The following SDK1 variants were observed in gnomAD, a reference collection of about 807,000 sequenced individuals.
SDK1 encodes protein sidekick-1.
A neutral mutation model predicts 245.5 loss-of-function variants in SDK1; 157 were observed. The observed-to-expected ratio is 0.64, with a 90% CI of 0.56 to 0.73. The LOEUF is 0.73. SDK1 is among the 30% of genes least tolerant of loss of function. SDK1 has a pLI of 0.00. For synonymous variants in SDK1, 1,647 were observed against 1,278.5 expected (o/e 1.29, Z -6.15); for missense variants, 3,583 against 3,002.3 (o/e 1.19, Z -4.52).
chr7:4,034,622 G>T (rs1268432943), intron 17 of SDK1, among the ~76,000 whole-genome samples: 1 of 152,204 alleles, frequency 6.6e-6, no homozygotes, highest in African/African-American at 2.4e-5. Flanking sequence ...CAAGTTAGCA[G>T]TAACTAATTA....
Position 3,639,035 on chromosome 7 carries a change from G to T in SDK1, c.490G>T (p.Ala164Ser). 2 of 1,605,590 alleles carry T rather than the reference G, an allele frequency of 1.2e-6. No homozygotes were observed. Among genetic ancestry groups the T allele is most frequent in the South Asian group, 1.1e-5 (1 of 90,046 alleles). ...YIIPSLQKLD[A>S]GFYRCVVRNR... Reference sequence around the variant, plus strand: ...TATTCCATCTTTGCAGAAGCTCGATGCTGGGTTTTACCGCTGCGTGGTGCG... The same window carrying T: ...TATTCCATCTTTGCAGAAGCTCGATTCTGGGTTTTACCGCTGCGTGGTGCG... The change falls in exon 3 of 45, where the codon GCT becomes TCT. Residue 164 changes from alanine to serine, a missense_variant. Ala to Ser is a moderately conservative substitution (Grantham distance 99, BLOSUM62 1). Coordinates refer to ENST00000404826, the MANE Select transcript of SDK1 (RefSeq NM_152744.4).
In SDK1 at chr7:3,556,859, G is replaced by A. The variant is rs138324794; in HGVS notation, c.299-62221G>A. Among the ~76,000 whole-genome samples the A allele has an allele frequency of 1.8e-4, 27 of 152,102 alleles. No individual in the cohort carries two copies. In the East Asian group the frequency reaches 3.7e-3, roughly 21 times the overall value. ...TGGATTGTTTGTAACACAAAGAAGG[G>A]ATTAGTACTTACGTGATGGATACCC... On this transcript the variant is annotated intron_variant, in intron 1 of 44. Transcript: ENST00000404826.
chr7:4,043,990 GTTTTC>G (rs1252919516), intron 17 of SDK1, among the ~76,000 whole-genome samples: 1 of 152,012 alleles, frequency 6.6e-6, no homozygotes, highest in East Asian at 1.9e-4. Flanking sequence ...CTCCTCTTGT[GTTTTC>G]TTTTCTTTCT....
chr7:4,066,143 C>G (rs1323999174), intron 19 of SDK1, among the ~76,000 whole-genome samples: 1 of 152,124 alleles, frequency 6.6e-6, no homozygotes, highest in Non-Finnish European at 1.5e-5. Flanking sequence ...CATTCTTTTC[C>G]TCCCTTTTCC....
At chr7:4,085,802 G>C (rs756235618) in intron 22 of SDK1, among the ~76,000 whole-genome samples, 1 of 152,124 alleles carries the variant, frequency 6.6e-6, no homozygotes, top group Admixed American at 6.5e-5. Context: ...TGATCCGCCC[G>C]CCTCAGCCTC....
intron 41 of SDK1, among the ~76,000 whole-genome samples, chr7:4,235,929 G>A (rs1786136556): frequency 6.6e-6 from 1 of 152,254 alleles, no homozygotes; most frequent in Non-Finnish European, 1.5e-5. Context: ...GCTGGGGTCA[G>A]GCCCACTCCG....
intron 44 of SDK1, among the ~76,000 whole-genome samples, chr7:4,249,902 A>C (rs893150284): frequency 2.0e-5 from 3 of 152,182 alleles, no homozygotes; most frequent in African/African-American, 4.8e-5. Context: ...CAATTCACTC[A>C]TTTGAAGTAC....
intron 4 of SDK1, among the ~76,000 whole-genome samples, chr7:3,764,386 A>G (rs1422551109): frequency 6.6e-6 from 1 of 152,164 alleles, no homozygotes; most frequent in East Asian, 1.9e-4. Flanking sequence ...CAATTCATAG[A>G]TTAAAATAAC....
chr7:4,010,744 A>G (rs1299302160), intron 14 of SDK1, among the ~76,000 whole-genome samples: 2 of 152,124 alleles, frequency 1.3e-5, no homozygotes, highest in African/African-American at 4.8e-5. Flanking sequence ...CCTTTTGCTC[A>G]TTGATGGCGG....
chr7:3,535,309 A>G (rs1778846916), intron 1 of SDK1, among the ~76,000 whole-genome samples: 1 of 152,192 alleles, frequency 6.6e-6, no homozygotes, highest in Non-Finnish European at 1.5e-5. Context: ...TAGGCTATAA[A>G]GAGTCCCTTT....
intron 41 of SDK1, among the ~76,000 whole-genome samples, chr7:4,234,864 G>A (rs987464777): frequency 2.6e-5 from 4 of 152,202 alleles, no homozygotes; most frequent in Non-Finnish European, 5.9e-5. Context: ...GGGAGGCCTC[G>A]GCGTTGGGGC....
At chr7:3,344,841 G>A (rs1780451755) in intron 1 of SDK1, among the ~76,000 whole-genome samples, 1 of 152,160 alleles carries the variant, frequency 6.6e-6, no homozygotes. Context: ...AAAATGATGA[G>A]TGGTGAGCCT....
intron 14 of SDK1, among the ~76,000 whole-genome samples, chr7:3,994,284 T>A (rs1425285675): frequency 6.6e-6 from 1 of 152,174 alleles, no homozygotes; most frequent in Non-Finnish European, 1.5e-5. Flanking sequence ...CCAGGGCTTA[T>A]CAGACTCCAA....
At chr7:3,957,274 T>A (rs967641497) in intron 7 of SDK1, among the ~76,000 whole-genome samples, 6 of 152,186 alleles carry the variant, frequency 3.9e-5, no homozygotes, top group African/African-American at 1.4e-4. Context: ...TGTGCCGTCT[T>A]TTCACGCACA....
At chr7:3,445,933 C>T (rs531625482) in intron 1 of SDK1, among the ~76,000 whole-genome samples, 177 of 151,932 alleles carry the variant, frequency 1.2e-3, no homozygotes, top group African/African-American at 1.7e-3. Flanking sequence ...TCTTGAGGGT[C>T]GGTCTACTGG....
At chr7:3,683,120 G>T (rs1193699240) in intron 4 of SDK1, among the ~76,000 whole-genome samples, 1 of 152,158 alleles carries the variant, frequency 6.6e-6, no homozygotes, top group Non-Finnish European at 1.5e-5. Flanking sequence ...TGAGTGGATT[G>T]ATTGGGAGTG....
chr7:4,175,182 G>A (rs755039300), intron 33 of SDK1, among the ~76,000 whole-genome samples: 3 of 152,192 alleles, frequency 2.0e-5, no homozygotes, highest in Admixed American at 6.5e-5. Flanking sequence ...CCAGTACAGC[G>A]CCAGGCATGA....
intron 4 of SDK1, among the ~76,000 whole-genome samples, chr7:3,799,227 T>C (rs1372314379): frequency 2.0e-5 from 3 of 152,200 alleles, no homozygotes; most frequent in Admixed American, 2.0e-4. Context: ...TCAGTTGGTA[T>C]GTACTTTGAA....
chr7:3,387,262 C>G lies in SDK1; in HGVS notation c.298+85378C>G, dbSNP rs79315821. Among the ~76,000 whole-genome samples the G allele has an allele frequency of 2.7e-3, 416 of 152,218 alleles. 3 individuals carry two copies. Among genetic ancestry groups the G allele is most frequent in the African/African-American group, 9.5e-3 (395 of 41,532 alleles). On this transcript the variant is annotated intron_variant, in intron 1 of 44. Coordinates refer to ENST00000404826, the MANE Select transcript of SDK1 (RefSeq NM_152744.4). The stretch of plus-strand genomic sequence containing the variant: ...CTTTACCTTCAGAAGGCATAGAGCA[C>G]CTTTAATAGCCCTCCTGCCTTGGCC...
Sources: allele counts gnomAD v4.1 joint callset (sites outside exome capture counted in the v4.1 genomes callset), GRCh38; gene constraint gnomAD v4.1.1; transcripts MANE v1.5; gene names NCBI Gene and HGNC (gene_info 2026-07-23, HGNC 2026-07-21).